Variants in SGCD observed in about 807,000 individuals in gnomAD.
The protein encoded by SGCD is sarcoglycan delta, also known as delta-sarcoglycan.
Under a neutral mutation model 36.6 loss-of-function variants are expected in SGCD, and 18 were observed. That is an observed-to-expected ratio of 0.49 (90% CI 0.34 to 0.73). The LOEUF is 0.73. Among genes scored for constraint, SGCD ranks in the 30% least tolerant of loss-of-function variants. The pLI, the probability that SGCD is intolerant of heterozygous loss-of-function variation, is 0.01. For missense variants in SGCD, 387 were observed against 346.7 expected, an observed-to-expected ratio of 1.12 and a Z score of -0.92; for synonymous variants, 133 against 130.6, an observed-to-expected ratio of 1.02 and a Z score of -0.12.
chr5:155,838,894 G>A, the SGCD span, among the ~76,000 whole-genome samples: 2 of 151,978 alleles, frequency 1.3e-5, no homozygotes, highest in African/African-American at 2.4e-5. Flanking sequence ...ACTGAGGCAG[G>A]CATCTCAATC....
At position 156,767,291 on chromosome 5, in the gene SGCD, C is replaced by T. The variant is rs1021802256; in HGVS notation, c.*7901C>T. 1 of 151,968 alleles carries T rather than the reference C, an allele frequency of 6.6e-6. No homozygotes were observed. Among genetic ancestry groups the T allele is most frequent in the East Asian group, 1.9e-4 (1 of 5,178 alleles). 9.4% of individuals were successfully genotyped at this position (151,968 alleles called of 1,614,324 possible). A position where few individuals can be genotyped will look rare whatever the true frequency, so the allele number is the denominator to read the frequency against. On this transcript the variant is annotated 3_prime_UTR_variant, in exon 9 of 9. Transcript: ENST00000337851. ...AAGTTTTTCATGTATCAACCACCTC[C>T]CCCAGTCAGGTTTCTCCCTTTTTGA...
chr5:155,859,226 A>T, the SGCD span, among the ~76,000 whole-genome samples: 2 of 151,038 alleles, frequency 1.3e-5, no homozygotes, highest in Admixed American at 6.6e-5. Context: ...GCTAATTTTT[A>T]TTATTATTAT....
intron 1 of SGCD, among the ~76,000 whole-genome samples, chr5:155,890,719 C>T (rs912684613): frequency 2.0e-5 from 3 of 151,936 alleles, no homozygotes; most frequent in Non-Finnish European, 4.4e-5. Flanking sequence ...AAGGAAAGGA[C>T]ACAGGGCAGG....
chr5:156,521,342 A>C (rs2113038885), intron 4 of SGCD, among the ~76,000 whole-genome samples: 1 of 152,316 alleles, frequency 6.6e-6, no homozygotes, highest in African/African-American at 2.4e-5. Flanking sequence ...CAAGAGCAAA[A>C]AATTGACCAA....
At chr5:156,742,702 G>C (rs1756747049) in intron 7 of SGCD, among the ~76,000 whole-genome samples, 1 of 152,134 alleles carries the variant, frequency 6.6e-6, no homozygotes. Flanking sequence ...GAGAGCTGAT[G>C]GTGTTGTTCC....
chr5:155,730,863 C>T, the SGCD span, among the ~76,000 whole-genome samples: 4 of 152,168 alleles, frequency 2.6e-5, 1 homozygote, highest in Admixed American at 2.6e-4. Context: ...AAGGAGCGCC[C>T]TCCTCACCCA....
chr5:155,952,675 A>G (rs1222379471), intron 1 of SGCD, among the ~76,000 whole-genome samples: 1 of 152,206 alleles, frequency 6.6e-6, no homozygotes, highest in Non-Finnish European at 1.5e-5. Flanking sequence ...CATAGGGCTG[A>G]TAAGCCACCG....
At chr5:155,855,191 G>A in the SGCD span, among the ~76,000 whole-genome samples, 1 of 152,160 alleles carries the variant, frequency 6.6e-6, no homozygotes, top group African/African-American at 2.4e-5. Context: ...GAGCAGGTCA[G>A]AAGTTCCAGA....
At chr5:156,679,924 C>CAA (rs1183656016) in intron 7 of SGCD, among the ~76,000 whole-genome samples, 1 of 152,136 alleles carries the variant, frequency 6.6e-6, no homozygotes, top group African/African-American at 2.4e-5. Flanking sequence ...AGCTGCCTAT[C>CAA]AAAGTATTTT....
At chr5:156,449,852 CA>C (rs10548772) in intron 3 of SGCD, among the ~76,000 whole-genome samples, 15,573 of 67,712 alleles carry the variant, frequency 0.23, 683 homozygotes, top group Middle Eastern at 0.33. Context: ...AACTCCATCT[CA>C]AAAAAAAAAA....
chr5:156,094,619 A>T (rs1296493924), intron 1 of SGCD, among the ~76,000 whole-genome samples: 3 of 152,184 alleles, frequency 2.0e-5, no homozygotes, highest in Non-Finnish European at 2.9e-5. Context: ...GTAACAAATC[A>T]TCTTTCTCTT....
intron 6 of SGCD, among the ~76,000 whole-genome samples, chr5:156,609,414 G>C (rs1411545022): frequency 6.6e-6 from 1 of 152,168 alleles, no homozygotes; most frequent in African/African-American, 2.4e-5. Context: ...CGAGAGATCG[G>C]CTGTTAGTCT....
intron 1 of SGCD, among the ~76,000 whole-genome samples, chr5:156,108,226 AT>A (rs1260434934): frequency 6.6e-6 from 1 of 152,126 alleles, no homozygotes; most frequent in Non-Finnish European, 1.5e-5. Context: ...TAAAATGTTA[AT>A]TAAAAAAATT....
At chr5:155,900,385 A>G (rs1756360727) in intron 1 of SGCD, among the ~76,000 whole-genome samples, 2 of 151,708 alleles carry the variant, frequency 1.3e-5, no homozygotes, top group Non-Finnish European at 1.5e-5. Flanking sequence ...GCTTCCCCCA[A>G]CCCTACACAC....
the SGCD span, among the ~76,000 whole-genome samples, chr5:155,836,418 G>C: frequency 6.6e-6 from 1 of 152,004 alleles, no homozygotes; most frequent in Admixed American, 6.6e-5. Flanking sequence ...GATTCTTCAA[G>C]GATATAGGAA....
At chr5:156,156,140 C>T (rs900763415) in intron 3 of SGCD, among the ~76,000 whole-genome samples, 4 of 151,612 alleles carry the variant, frequency 2.6e-5, no homozygotes, top group African/African-American at 4.9e-5. Flanking sequence ...CTCAGAACGG[C>T]AGATTATAGA....
At chr5:156,377,712 C>T (rs899035627) in intron 3 of SGCD, among the ~76,000 whole-genome samples, 3 of 152,144 alleles carry the variant, frequency 2.0e-5, no homozygotes, top group Non-Finnish European at 2.9e-5. Context: ...CTAAAACACA[C>T]ACTCTTTACT....
chr5:156,290,792 A>C (rs1041486035), intron 3 of SGCD, among the ~76,000 whole-genome samples: 14 of 152,174 alleles, frequency 9.2e-5, no homozygotes, highest in African/African-American at 3.4e-4. Context: ...AAAAATGGAA[A>C]AGAATTTAAG....
At chr5:155,804,190 C>T in the SGCD span, among the ~76,000 whole-genome samples, 2 of 152,116 alleles carry the variant, frequency 1.3e-5, no homozygotes, top group African/African-American at 4.8e-5. Context: ...TTATTTGGGG[C>T]CTGTTCTGTA....
Sources: allele counts gnomAD v4.1 joint callset (sites outside exome capture counted in the v4.1 genomes callset), GRCh38; gene constraint gnomAD v4.1.1; transcripts MANE v1.5; gene names NCBI Gene and HGNC (gene_info 2026-07-23, HGNC 2026-07-21).